LYRM4: variants seen among roughly 807,000 people sequenced by gnomAD.
LYRM4 encodes LYR motif containing 4, also known as LYR motif-containing protein 4.
Under a neutral mutation model 11.7 loss-of-function variants are expected in LYRM4, and 9 were observed. That is an observed-to-expected ratio of 0.77 (90% CI 0.46 to 1.34). The LOEUF (loss-of-function observed/expected upper bound fraction) is 1.34. LYRM4 is among the 40% of genes most tolerant of loss of function. LYRM4 has a pLI of 0.00. For missense variants in LYRM4, 133 were observed against 112.5 expected, an observed-to-expected ratio of 1.18 and a Z score of -0.82; for synonymous variants, 42 against 40.4, an observed-to-expected ratio of 1.04 and a Z score of -0.15.
chr6:5,177,255 G>A (rs977328421), intron 2 of LYRM4, among the ~76,000 whole-genome samples: 2 of 152,194 alleles, frequency 1.3e-5, no homozygotes, highest in African/African-American at 4.8e-5. Flanking sequence ...TCTTCTTAAG[G>A]CTGTCCTCAA....
chr6:5,195,639 A>G (rs187969496), intron 2 of LYRM4, among the ~76,000 whole-genome samples: 16 of 152,268 alleles, frequency 1.1e-4, no homozygotes, highest in African/African-American at 3.6e-4. Context: ...CTGTCTCATC[A>G]AAACAAAACA....
intron 2 of LYRM4, among the ~76,000 whole-genome samples, chr6:5,126,990 C>A (rs1403413288): frequency 1.3e-5 from 2 of 152,200 alleles, no homozygotes; most frequent in African/African-American, 2.4e-5. Context: ...CTCACTGTCA[C>A]CCAGGCTGGA....
chr6:5,102,095 A>G (rs1561796431), downstream of LYRM4, among the ~76,000 whole-genome samples: 1 of 143,558 alleles, frequency 7.0e-6, no homozygotes, highest in South Asian at 2.2e-4. Flanking sequence ...ACCTGGCCTG[A>G]TTTTTTTTTT....
chr6:5,213,109 A>C (rs1478571109), intron 2 of LYRM4, among the ~76,000 whole-genome samples: 1 of 152,194 alleles, frequency 6.6e-6, no homozygotes, highest in Non-Finnish European at 1.5e-5. Context: ...AGGATGACTT[A>C]AGACTATCCT....
intron 2 of LYRM4, among the ~76,000 whole-genome samples, chr6:5,130,166 TGTGA>T (rs1367140715): frequency 2.0e-5 from 3 of 152,074 alleles, no homozygotes; most frequent in Non-Finnish European, 4.4e-5. Context: ...GAGACACTGG[TGTGA>T]GTGAGGTCTT....
At chr6:5,073,516 ATATC>A in the LYRM4 span, among the ~76,000 whole-genome samples, 92 of 148,064 alleles carry the variant, frequency 6.2e-4, no homozygotes, top group African/African-American at 2.2e-3. Context: ...ATCTCTCTAT[ATATC>A]TATATGTATA....
chr6:5,120,556 G>A (rs891375084), intron 2 of LYRM4, among the ~76,000 whole-genome samples: 56 of 152,298 alleles, frequency 3.7e-4, no homozygotes, highest in South Asian at 1.0e-3. Context: ...GGAAGGGGAC[G>A]CCAGTGGGTT....
chr6:5,049,149 A>T, the LYRM4 span, among the ~76,000 whole-genome samples: 1 of 152,212 alleles, frequency 6.6e-6, no homozygotes, highest in South Asian at 2.1e-4. Context: ...TGTGAGACAG[A>T]CCTGGTATTG....
chr6:5,194,074 G>C (rs953706073), intron 2 of LYRM4, among the ~76,000 whole-genome samples: 1 of 121,280 alleles, frequency 8.2e-6, no homozygotes, highest in Non-Finnish European at 1.7e-5. Flanking sequence ...TGTGTGTGGG[G>C]GGGTGGGGGG....
chr6:5,139,214 C>T (rs1757275431), intron 2 of LYRM4, among the ~76,000 whole-genome samples: 1 of 152,204 alleles, frequency 6.6e-6, no homozygotes, highest in South Asian at 2.1e-4. Flanking sequence ...AGCAGGCCTG[C>T]CAGCCCAGTG....
the LYRM4 span, chr6:5,088,894 A>G: frequency 4.6e-5 from 7 of 152,240 alleles, no homozygotes; most frequent in Admixed American, 1.3e-4. Flanking sequence ...CATCAGTGCA[A>G]CTGAAACATA....
chr6:5,255,756 T>C (rs933724146), intron 1 of LYRM4, among the ~76,000 whole-genome samples: 5 of 152,024 alleles, frequency 3.3e-5, no homozygotes, highest in South Asian at 2.1e-4. Context: ...GGCCAGCTAA[T>C]TCTTTGTTAA....
chr6:5,108,087 T>C (rs1367073110), downstream of LYRM4: 1 of 152,140 alleles, frequency 6.6e-6, no homozygotes, highest in South Asian at 2.1e-4. Context: ...GAACGCATCA[T>C]TGCAGCAAAT....
intron 1 of LYRM4, among the ~76,000 whole-genome samples, chr6:5,240,058 A>C (rs1168041092): frequency 6.6e-6 from 1 of 152,174 alleles, no homozygotes; most frequent in East Asian, 1.9e-4. Context: ...AAACAGGGCA[A>C]AATAAGACTC....
At position 5,108,453 on chromosome 6, in the gene LYRM4, A is replaced by G. The variant is rs1762731878; in HGVS notation, c.*970T>C. 3 of 976,986 alleles carry G rather than the reference A, an allele frequency of 3.1e-6. No homozygotes were observed. The African/African-American group carries it at 5.2e-5, about 17-fold the overall frequency. 60.5% of individuals were successfully genotyped at this position (976,986 alleles called of 1,614,324 possible). A position where few individuals can be genotyped will look rare whatever the true frequency, so the allele number is the denominator to read the frequency against. On this transcript the variant is annotated 3_prime_UTR_variant, in exon 3 of 3. Transcript: ENST00000330636. The stretch of plus-strand genomic sequence containing the variant: ...ACAAACAATATCTTTATTACCTGTA[A>G]TATACTTAAAGAGCAGGGGTCCCCA...
intron 2 of LYRM4, among the ~76,000 whole-genome samples, chr6:5,150,934 T>C (rs923995113): frequency 6.6e-6 from 1 of 152,172 alleles, no homozygotes; most frequent in Non-Finnish European, 1.5e-5. Context: ...TCTCCCTTCC[T>C]GACTTTTAAT....
chr6:5,139,151 G>A (rs895551006), intron 2 of LYRM4, among the ~76,000 whole-genome samples: 1 of 152,210 alleles, frequency 6.6e-6, no homozygotes, highest in Non-Finnish European at 1.5e-5. Flanking sequence ...GACAGGCCTG[G>A]AGAGCATAAG....
At chr6:5,183,452 T>A (rs1351699392) in intron 2 of LYRM4, among the ~76,000 whole-genome samples, 3 of 152,228 alleles carry the variant, frequency 2.0e-5, no homozygotes, top group African/African-American at 7.2e-5. Flanking sequence ...GCTATTATTA[T>A]TATAGCCATA....
chr6:5,206,867 GACCA>G (rs1761726469), intron 2 of LYRM4, among the ~76,000 whole-genome samples: 1 of 3,146 alleles, frequency 3.2e-4, no homozygotes, highest in Non-Finnish European at 8.5e-3. Flanking sequence ...ATTCATAACT[GACCA>G]ATCCATGTAA....
Sources: allele counts gnomAD v4.1 joint callset (sites outside exome capture counted in the v4.1 genomes callset), GRCh38; gene constraint gnomAD v4.1.1; transcripts MANE v1.5; gene names NCBI Gene and HGNC (gene_info 2026-07-23, HGNC 2026-07-21).